The following GLI1 variants were observed in gnomAD, a reference collection of about 807,000 sequenced individuals.
GLI1 encodes GLI family zinc finger 1.
A neutral mutation model predicts 87.8 loss-of-function variants in GLI1; 51 were observed. That is an observed-to-expected ratio of 0.58 (90% CI 0.46 to 0.73). The LOEUF (loss-of-function observed/expected upper bound fraction) is 0.73, where lower values mean the gene tolerates loss of function less well. GLI1 is among the 30% of genes least tolerant of loss of function. The pLI, the probability that GLI1 is intolerant of heterozygous loss-of-function variation, is 0.00. For synonymous variants in GLI1, 528 were observed against 558.2 expected, an observed-to-expected ratio of 0.95 and a Z score of 0.76; for missense variants, 1,292 against 1,437.2, an observed-to-expected ratio of 0.90 and a Z score of 1.63.
intron 8 of GLI1, 51 bp from the exon 9 acceptor site, chr12:57,467,282 C>T (rs768172564): frequency 1.4e-6 from 2 of 1,471,948 alleles, no homozygotes; most frequent in South Asian, 1.3e-5. Context: ...TTCCTTCCAT[C>T]TCCATGTCCT....
At chr12:57,470,089 G>C (rs918437169) in intron 11 of GLI1, among the ~76,000 whole-genome samples, 2 of 152,174 alleles carry the variant, frequency 1.3e-5, no homozygotes, top group Admixed American at 6.5e-5. Flanking sequence ...TGCGAATGCT[G>C]TTCCCTAGGA....
intron 11 of GLI1, 45 bp downstream of exon 11, chr12:57,469,743 C>T: frequency 6.3e-7 from 1 of 1,593,966 alleles, no homozygotes; most frequent in South Asian, 1.1e-5. Flanking sequence ...AGATCTGGAC[C>T]TGCCCTGAGG....
chr12:57,464,403 T>G (rs1203980774), intron 3 of GLI1, among the ~76,000 whole-genome samples: 3 of 151,896 alleles, frequency 2.0e-5, no homozygotes, highest in Non-Finnish European at 1.5e-5. Context: ...GCACCTGTAG[T>G]GCCGATTACA....
At chr12:57,461,635 T>C (rs540249982) in intron 1 of GLI1, among the ~76,000 whole-genome samples, 2 of 152,244 alleles carry the variant, frequency 1.3e-5, no homozygotes, top group East Asian at 3.9e-4. Flanking sequence ...GAGGGAAGAA[T>C]GTGGCCCGCC....
chr12:57,472,038 G>A lies in GLI1; in HGVS notation c.3298G>A (p.Glu1100Lys). 6.7e-7 allele frequency: 1 copy of A among 1,498,826 alleles called. No individual in the cohort carries two copies. The highest frequency in any genetic ancestry group is 8.9e-7 in the Non-Finnish European group (1 of 1,123,878). 92.8% of individuals were successfully genotyped at this position (1,498,826 alleles called of 1,614,324 possible). A position where few individuals can be genotyped will look rare whatever the true frequency, so the allele number is the denominator to read the frequency against. Residue 1100 changes from glutamate (E) to lysine (K), a missense_variant, in exon 12 of 12, where the codon GAA becomes AAA. By Grantham distance (56) the Glu-to-Lys change is moderately conservative. Coordinates refer to ENST00000228682, the MANE Select transcript of GLI1 (RefSeq NM_005269.3). ...ACTGAGATCCCTACCTGGGGAAACA[G>A]AATTCCTCAACTCTAGTGCCTAAAG... ...VLLRSLPGET[E>K]FLNSSA is the part of the protein sequence containing the mutation.
chr12:57,460,528 G>T (rs10783827), intron 1 of GLI1: 95,434 of 152,334 alleles, frequency 0.63, 30,540 homozygotes, highest in Middle Eastern at 0.8. Context: ...GCTAGCTGGA[G>T]GTCTGCGTTG....
At chr12:57,464,905 C>G (rs1426943653) in intron 4 of GLI1, 37 bp downstream of exon 4, 9 of 1,497,968 alleles carry the variant, frequency 6.0e-6, no homozygotes, top group Non-Finnish European at 8.4e-6. Flanking sequence ...CCCTAAAGCC[C>G]CTACCCAAGT....
At chr12:57,470,216 C>A in intron 11 of GLI1, 101 bp from the exon 12 acceptor site, 1 of 858,532 alleles carries the variant, frequency 1.2e-6, no homozygotes, top group Non-Finnish European at 1.9e-6. Context: ...GGATAACGAG[C>A]TTACCCCTGA....
rs150321991 is a variant in GLI1, at chr12:57,466,251, C to T, written c.774C>T (p.Ser258=). 77 of 1,612,866 alleles carry T rather than the reference C, an allele frequency of 4.8e-5. No individual in the cohort carries two copies. The African/African-American group carries it at 5.7e-4, about 12-fold the overall frequency. ...ATCTTCTCCCTCAGCACATCAACAG[C>T]GAGCACATCCACGGGGAGCGGAAGG... ...SQEQLVHHIN[S]EHIHGERKEF... The change falls in exon 8 of 12, where the codon AGC becomes AGT. Residue 258 remains serine (S), a synonymous_variant. Coordinates refer to ENST00000228682, the MANE Select transcript of GLI1 (RefSeq NM_005269.3).
chr12:57,469,687 T>A lies in GLI1; in HGVS notation c.1565T>A (p.Leu522Ter). Residue 522 changes from leucine (L) to a stop codon, truncating the protein, a stop_gained, in exon 11 of 12, where the codon TTG becomes TAG. Coordinates refer to ENST00000228682, the MANE Select transcript of GLI1 (RefSeq NM_005269.3). LOFTEE classifies it high-confidence loss of function. ...IGTRGLKLPS[L>*]SHTGTTVSRR... ...ACCCGGGGTCTCAAACTGCCCAGCT[T>A]GTCCCACACCGGTGAGACCTGGGTG... is the stretch of plus-strand genomic sequence containing the variant. The A allele has an allele frequency of 6.2e-7, 1 of 1,613,462 alleles. No individual in the cohort carries two copies. The highest frequency in any genetic ancestry group is 8.5e-7 in the Non-Finnish European group (1 of 1,179,976).
In GLI1 at chr12:57,466,383, G is replaced by A. The variant is rs2139856866; in HGVS notation, c.906G>A (p.Lys302=). 1.2e-6 allele frequency: 2 copies of A among 1,611,520 alleles called. No homozygotes were observed. The highest frequency in any genetic ancestry group is 1.7e-6 in the Non-Finnish European group (2 of 1,178,372). ...GACACACTGGCGAGAAGCCACACAAGTGCACGGTGAGGCACCAGTGTCCCA... is the reference window on the plus strand; with the variant it reads ...GACACACTGGCGAGAAGCCACACAAATGCACGGTGAGGCACCAGTGTCCCA... ...MRRHTGEKPH[K]CTFEGCRKSY... Residue 302 remains lysine (K), a synonymous_variant, in exon 8 of 12, where the codon AAG becomes AAA. Coordinates refer to ENST00000228682, the MANE Select transcript of GLI1 (RefSeq NM_005269.3).
intron 8 of GLI1, 112 bp downstream of exon 8, chr12:57,466,501 T>C: frequency 2.9e-6 from 2 of 693,380 alleles, no homozygotes; most frequent in Non-Finnish European, 2.4e-6. Context: ...CATAAACAAA[T>C]ATTAAAAATA....
In GLI1 at chr12:57,466,219, CCT is replaced by C. The variant is rs770528237; in HGVS notation, c.763-20_763-19del. 21 of 1,605,836 alleles carry C rather than the reference CCT, an allele frequency of 1.3e-5. No individual in the cohort carries two copies. In the African/African-American group the frequency reaches 2.4e-4, roughly 18 times the overall value. On this transcript the variant is annotated intron_variant, in intron 7 of 11. Coordinates refer to ENST00000228682, the MANE Select transcript of GLI1 (RefSeq NM_005269.3). Reference sequence around the variant, plus strand: ...AGGGTCATGGGAGAGCCTTGGAGAGCCTTTGTATCTTCTCCCTCAGCACATCA... The same window carrying C: ...AGGGTCATGGGAGAGCCTTGGAGAGCTTGTATCTTCTCCCTCAGCACATCA...
In GLI1 at chr12:57,469,510, G is replaced by A. The variant is rs200730656; in HGVS notation, c.1388G>A (p.Ser463Asn). ...GCAGGGAGTGCAGCCAATACAGACA[G>A]TGGTGTGGAAATGACTGGCAATGCA... ...SPAGSAANTD[S>N]GVEMTGNAGG... The change falls in exon 11 of 12, where the codon AGT becomes AAT. Residue 463 changes from serine to asparagine, a missense_variant. Around this residue, in one of 3 missense-constraint regions of GLI1, gnomAD observed 897 missense variants for 1,040.7 expected, o/e 0.86. Coordinates refer to ENST00000228682, the MANE Select transcript of GLI1 (RefSeq NM_005269.3). 6.2e-7 allele frequency: 1 copy of A among 1,614,168 alleles called. No individual in the cohort carries two copies. Among genetic ancestry groups the A allele is most frequent in the Non-Finnish European group, 8.5e-7 (1 of 1,179,996 alleles).
In GLI1 at chr12:57,472,087, G is replaced by A. The variant is rs781108666; in HGVS notation, c.*26G>A. ...AGAGTAGGGAATCTCATCCATCACAGATCGCATTTCCTAAGGGGTTTCTAT... is the reference window on the plus strand; with the variant it reads ...AGAGTAGGGAATCTCATCCATCACAAATCGCATTTCCTAAGGGGTTTCTAT... On this transcript the variant is annotated 3_prime_UTR_variant, in exon 12 of 12. Coordinates refer to ENST00000228682, the MANE Select transcript of GLI1 (RefSeq NM_005269.3). 7.0e-7 allele frequency: 1 copy of A among 1,427,936 alleles called. No individual in the cohort carries two copies. Among genetic ancestry groups the A allele is most frequent in the South Asian group, 1.5e-5 (1 of 68,694 alleles). The allele number at this position is 1,427,936 out of a possible 1,614,324, so 88.5% of individuals were successfully genotyped here.
chr12:57,462,509 A>T (rs1021024447), intron 1 of GLI1, among the ~76,000 whole-genome samples: 4 of 137,754 alleles, frequency 2.9e-5, no homozygotes, highest in African/African-American at 8.2e-5. Context: ...GGATGGAGTC[A>T]AAACTGGAGT....
chr12:57,461,240 T>A (rs1327675739), intron 1 of GLI1, among the ~76,000 whole-genome samples: 1 of 152,018 alleles, frequency 6.6e-6, no homozygotes, highest in African/African-American at 2.4e-5. Flanking sequence ...TACGTTCCAG[T>A]AGAGGGAGAA....
chr12:57,464,028 G>C lies in GLI1; in HGVS notation c.130G>C (p.Ala44Pro). The change falls in exon 3 of 12, where the codon GCT (alanine) becomes CCT (proline). Residue 44 changes from alanine to proline, a missense_variant. Coordinates refer to ENST00000228682, the MANE Select transcript of GLI1 (RefSeq NM_005269.3). ...GTCTGGCCCGCCCTTCTGCCACCAA[G>C]CTAACCTCATGTCCGGCCCCCACAG... is the stretch of plus-strand genomic sequence containing the variant. ...GLSGPPFCHQ[A>P]NLMSGPHSYG... 2.5e-6 allele frequency: 4 copies of C among 1,613,990 alleles called. No individual in the cohort carries two copies. Among genetic ancestry groups the C allele is most frequent in the Non-Finnish European group, 3.4e-6 (4 of 1,179,866 alleles).
chr12:57,471,285 T>C lies in GLI1; in HGVS notation c.2545T>C (p.Ser849Pro), dbSNP rs775084642. The change falls in exon 12 of 12, where the codon TCC (serine) becomes CCC (proline). Residue 849 changes from serine (S) to proline (P), a missense_variant. By Grantham distance (74) the Ser-to-Pro change is moderately conservative (BLOSUM62 -1). Around this residue, in one of 3 missense-constraint regions of GLI1, gnomAD observed 897 missense variants for 1,040.7 expected, o/e 0.86. Coordinates refer to ENST00000228682, the MANE Select transcript of GLI1 (RefSeq NM_005269.3). The surrounding 1 kb of genome is among the most constrained non-coding windows in gnomAD (Gnocchi z 4.9). ...EGPPHPQPLFSHYPQPSPPQY... is the reference protein window; with the variant it reads ...EGPPHPQPLFPHYPQPSPPQY... Reference sequence around the variant, plus strand: ...GCCCCCACATCCACAGCCTCTCTTTTCCCATTACCCCCAGCCCTCTCCTCC... The same window carrying C: ...GCCCCCACATCCACAGCCTCTCTTTCCCCATTACCCCCAGCCCTCTCCTCC... 1.3e-6 allele frequency: 2 copies of C among 1,588,026 alleles called. No individual in the cohort carries two copies. The highest frequency in any genetic ancestry group is 1.4e-5 in the African/African-American group (1 of 73,974).
Sources: gnomAD v4.1 joint callset for allele counts (sites outside exome capture counted in the v4.1 genomes callset) on GRCh38, gnomAD v4.1.1 for gene constraint, gnomAD v4.1.1 regional missense constraint, Gnocchi (gnomAD v3.1) non-coding constraint, MANE v1.5 for transcripts, NCBI Gene and HGNC (gene_info 2026-07-23, HGNC 2026-07-21) for gene names.